LAMA2: variants seen among roughly 807,000 people sequenced by gnomAD.
LAMA2 encodes laminin subunit alpha-2.
LAMA2 carries 269 observed loss-of-function variants against 364.8 expected under a neutral mutation model. The observed-to-expected ratio is 0.74, with a 90% CI of 0.67 to 0.82. The LOEUF (loss-of-function observed/expected upper bound fraction) is 0.82. LAMA2 is among the 40% of genes least tolerant of loss of function. The probability of loss-of-function intolerance (pLI) is 0.00; values close to 1 mark genes in which losing one functional copy is unlikely to be tolerated. For synonymous variants in LAMA2, 1,379 were observed against 1,370.6 expected (o/e 1.01, Z -0.14); for missense variants, 3,807 against 3,873.2 (o/e 0.98, Z 0.45).
At chr6:129,099,543 T>C (rs1233622508) in intron 4 of LAMA2, among the ~76,000 whole-genome samples, 1 of 152,164 alleles carries the variant, frequency 6.6e-6, no homozygotes, top group Non-Finnish European at 1.5e-5. Context: ...GATACTCATG[T>C]CTGATATTCT....
intron 29 of LAMA2, among the ~76,000 whole-genome samples, chr6:129,334,724 G>A (rs1775848625): frequency 6.6e-6 from 1 of 152,182 alleles, no homozygotes; most frequent in Non-Finnish European, 1.5e-5. Flanking sequence ...CTCCAGCAAA[G>A]TCAGTGTCTG....
In LAMA2 at chr6:129,068,239, A is replaced by G. The variant is rs186043406; in HGVS notation, c.396+8343A>G. Among the ~76,000 whole-genome samples, 502 of 152,382 alleles carry G rather than the reference A, an allele frequency of 3.3e-3. 1 individual carries two copies. The highest frequency in any genetic ancestry group is 5.7e-3 in the Non-Finnish European group (386 of 68,042). The stretch of plus-strand genomic sequence containing the variant: ...ATTAAGTGATTTCACTGTGCTTCTT[A>G]TGATAAAACACACTGCACTTTTTCT... On this transcript the variant is annotated intron_variant, in intron 3 of 64. Transcript: ENST00000421865.
At chr6:129,278,542 G>A (rs568464859) in intron 17 of LAMA2, among the ~76,000 whole-genome samples, 2 of 152,286 alleles carry the variant, frequency 1.3e-5, no homozygotes, top group East Asian at 3.9e-4. Flanking sequence ...TGCATCTTCA[G>A]TGCAATCACA....
At chr6:128,905,700 T>G (rs563517731) in intron 1 of LAMA2, 121 of 152,100 alleles carry the variant, frequency 8.0e-4, no homozygotes, top group African/African-American at 2.8e-3. Flanking sequence ...TAGTTACATA[T>G]GTATACATGT....
intron 1 of LAMA2, among the ~76,000 whole-genome samples, chr6:129,015,314 G>T (rs1222257615): frequency 1.3e-5 from 2 of 152,022 alleles, no homozygotes; most frequent in African/African-American, 2.4e-5. Flanking sequence ...AGCACTAGTG[G>T]CATATATGAT....
intron 4 of LAMA2, among the ~76,000 whole-genome samples, chr6:129,129,611 G>A (rs892949234): frequency 1.3e-5 from 2 of 152,154 alleles, no homozygotes; most frequent in African/African-American, 2.4e-5. Context: ...TTGAGAATAA[G>A]GCATATTTTA....
chr6:128,977,384 C>G (rs1027220388), intron 1 of LAMA2, among the ~76,000 whole-genome samples: 2 of 151,684 alleles, frequency 1.3e-5, no homozygotes, highest in Non-Finnish European at 2.9e-5. Context: ...CTCCGCACCC[C>G]CAAGCAGCTG....
At chr6:129,371,568 T>C (rs1485766963) in intron 34 of LAMA2, among the ~76,000 whole-genome samples, 2 of 151,854 alleles carry the variant, frequency 1.3e-5, no homozygotes, top group Non-Finnish European at 2.9e-5. Flanking sequence ...TGGCTTAGTA[T>C]AGTCTAATGA....
intron 34 of LAMA2, among the ~76,000 whole-genome samples, chr6:129,382,257 C>T (rs948716723): frequency 2.0e-5 from 3 of 152,118 alleles, no homozygotes; most frequent in African/African-American, 7.2e-5. Context: ...ATATGCAACA[C>T]ATAGAAAAAT....
At chr6:129,470,773 T>G (rs1783774520) in intron 51 of LAMA2, among the ~76,000 whole-genome samples, 1 of 151,906 alleles carries the variant, frequency 6.6e-6, no homozygotes, top group Admixed American at 6.6e-5. Context: ...GCAATGTGGA[T>G]GATTGCTCCT....
intron 12 of LAMA2, among the ~76,000 whole-genome samples, chr6:129,227,278 T>C (rs139899365): frequency 0.014 from 2,204 of 152,210 alleles, 27 homozygotes; most frequent in Non-Finnish European, 0.021. Flanking sequence ...GGGTTCGAAC[T>C]TCCTCCTTTA....
At chr6:128,969,398 T>C (rs1782050602) in intron 1 of LAMA2, among the ~76,000 whole-genome samples, 1 of 152,118 alleles carries the variant, frequency 6.6e-6, no homozygotes, top group African/African-American at 2.4e-5. Context: ...ACTTCCTACA[T>C]AGTTGTAAAA....
At chr6:128,996,588 GCC>G (rs1380828500) in intron 1 of LAMA2, among the ~76,000 whole-genome samples, 41 of 152,174 alleles carry the variant, frequency 2.7e-4, no homozygotes, top group Non-Finnish European at 5.4e-4. Flanking sequence ...ACCAACTCAT[GCC>G]AGTTAGAATG....
At chr6:129,166,461 A>G (rs747904768) in intron 9 of LAMA2, among the ~76,000 whole-genome samples, 3 of 152,148 alleles carry the variant, frequency 2.0e-5, no homozygotes, top group Non-Finnish European at 4.4e-5. Context: ...CTTAGGTACA[A>G]TTCTTGTTAC....
In LAMA2 at chr6:129,108,218, C is replaced by A. The variant is rs200070623; in HGVS notation, c.639+9803C>A. On this transcript the variant is annotated intron_variant, in intron 4 of 64. Coordinates refer to ENST00000421865, the MANE Select transcript of LAMA2 (RefSeq NM_000426.4). Reference sequence around the variant, plus strand: ...TATTTATCAGTTTTTCTGCTTCAAGCTTTATTCTGGCAAATGATGTATATT... The same window carrying A: ...TATTTATCAGTTTTTCTGCTTCAAGATTTATTCTGGCAAATGATGTATATT... 3.7e-4 allele frequency among the ~76,000 whole-genome samples: 56 copies of A among 151,866 alleles called. No homozygotes were observed. The East Asian group carries it at 0.01, about 28-fold the overall frequency.
chr6:129,406,941 C>T (rs533896124), intron 40 of LAMA2, among the ~76,000 whole-genome samples: 2 of 152,236 alleles, frequency 1.3e-5, no homozygotes, highest in Admixed American at 1.3e-4. Context: ...GCCTGACAGC[C>T]CCTGGCAAAC....
At chr6:129,067,051 T>C (rs1789409679) in intron 3 of LAMA2, among the ~76,000 whole-genome samples, 1 of 152,108 alleles carries the variant, frequency 6.6e-6, no homozygotes, top group Admixed American at 6.5e-5. Flanking sequence ...GGAAACACAA[T>C]AAAACATAGA....
rs1055113330 is a variant in LAMA2 at position 128,935,504 on chromosome 6, G to A, written c.112+52147G>A. On this transcript the variant is annotated intron_variant, in intron 1 of 64. Transcript: ENST00000421865. ...GTTGGTTCCAAGTCTTTGCTATTGT[G>A]AATAGTGCTGCAGTAAACATACATG... Among the ~76,000 whole-genome samples the A allele has an allele frequency of 8.5e-5, 13 of 152,158 alleles. No individual in the cohort carries two copies. In the East Asian group the frequency reaches 1.7e-3, roughly 20 times the overall value.
At chr6:129,320,132 CAAAT>C (rs55860505) in intron 27 of LAMA2, among the ~76,000 whole-genome samples, 64 of 147,242 alleles carry the variant, frequency 4.3e-4, no homozygotes, top group East Asian at 1.2e-3. Flanking sequence ...GACTCTGTCT[CAAAT>C]AAATAAATAA....
Sources: allele counts gnomAD v4.1 joint callset (sites outside exome capture counted in the v4.1 genomes callset), GRCh38; gene constraint gnomAD v4.1.1; transcripts MANE v1.5; gene names NCBI Gene and HGNC (gene_info 2026-07-23, HGNC 2026-07-21).